The following MAGI1 variants were observed in gnomAD, a reference collection of about 807,000 sequenced individuals.
The protein encoded by MAGI1 is membrane associated guanylate kinase, WW and PDZ domain containing 1.
Under a neutral mutation model 139.9 loss-of-function variants are expected in MAGI1, and 58 were observed. That is an observed-to-expected ratio of 0.41 (90% CI 0.34 to 0.52). The LOEUF is 0.52. Ranked by LOEUF, MAGI1 falls within the 20% of genes least tolerant of loss-of-function variation. The pLI, the probability that MAGI1 is intolerant of heterozygous loss-of-function variation, is 0.12. For synonymous variants in MAGI1, 812 were observed against 737.9 expected (o/e 1.10, Z -1.63); for missense variants, 1,874 against 1,901.6 (o/e 0.99, Z 0.27).
At chr3:65,993,196 C>T (rs906125415) in intron 1 of MAGI1, among the ~76,000 whole-genome samples, 1 of 152,182 alleles carries the variant, frequency 6.6e-6, no homozygotes, top group African/African-American at 2.4e-5. Flanking sequence ...AGAGCCATCA[C>T]AGCAGGCCAC....
At chr3:65,480,590 T>C (rs1294819584) in intron 3 of MAGI1, among the ~76,000 whole-genome samples, 7 of 148,598 alleles carry the variant, frequency 4.7e-5, no homozygotes, top group Non-Finnish European at 9.0e-5. Flanking sequence ...GGTTTCTTTT[T>C]TTTTTTTTTT....
At chr3:65,791,737 T>C in intron 1 of MAGI1, among the ~76,000 whole-genome samples, 1 of 152,214 alleles carries the variant, frequency 6.6e-6, no homozygotes, top group East Asian at 1.9e-4. Flanking sequence ...TGTGTGTGTG[T>C]GTTTTTCCAT....
intron 1 of MAGI1, among the ~76,000 whole-genome samples, chr3:65,970,861 T>C (rs2064984003): frequency 1.3e-5 from 2 of 152,162 alleles, no homozygotes; most frequent in Non-Finnish European, 2.9e-5. Context: ...TGCCACAGTG[T>C]GGCTAAGGAT....
chr3:65,767,789 C>A (rs967137040), intron 1 of MAGI1, among the ~76,000 whole-genome samples: 2 of 152,276 alleles, frequency 1.3e-5, no homozygotes, highest in South Asian at 4.1e-4. Flanking sequence ...CAGCCAAATC[C>A]TCAGGCAGTT....
intron 1 of MAGI1, among the ~76,000 whole-genome samples, chr3:65,826,762 C>A (rs1445480792): frequency 2.8e-5 from 4 of 144,584 alleles, no homozygotes; most frequent in Non-Finnish European, 5.9e-5. Flanking sequence ...CCTCCATAAA[C>A]CCTTTGTAGT....
intron 1 of MAGI1, among the ~76,000 whole-genome samples, chr3:65,686,542 T>G (rs1254410356): frequency 6.6e-6 from 1 of 152,132 alleles, no homozygotes; most frequent in Non-Finnish European, 1.5e-5. Flanking sequence ...ACTCCCGCCT[T>G]GGCCTCCCAA....
intron 1 of MAGI1, among the ~76,000 whole-genome samples, chr3:65,637,531 G>A (rs2084695838): frequency 6.8e-6 from 1 of 146,860 alleles, no homozygotes; most frequent in African/African-American, 2.6e-5. Flanking sequence ...TTCAGCCTAG[G>A]TGACATTGAG....
At chr3:65,792,957 G>C (rs923054194) in intron 1 of MAGI1, among the ~76,000 whole-genome samples, 1 of 152,094 alleles carries the variant, frequency 6.6e-6, no homozygotes, top group South Asian at 2.1e-4. Context: ...GTCTCTCTCA[G>C]GGAGTCTCAT....
At chr3:65,579,248 C>T (rs930980370) in intron 2 of MAGI1, among the ~76,000 whole-genome samples, 2 of 152,102 alleles carry the variant, frequency 1.3e-5, no homozygotes, top group Non-Finnish European at 2.9e-5. Context: ...ACTTGTCTTA[C>T]CCAGGTCATG....
chr3:65,510,403 T>A (rs562862088), intron 2 of MAGI1, among the ~76,000 whole-genome samples: 1 of 149,856 alleles, frequency 6.7e-6, no homozygotes, highest in Non-Finnish European at 1.5e-5. Context: ...TTGAAAACTT[T>A]GAAAAAAATT....
At chr3:65,690,046 C>T (rs1432511682) in intron 1 of MAGI1, among the ~76,000 whole-genome samples, 1 of 152,120 alleles carries the variant, frequency 6.6e-6, no homozygotes, top group Non-Finnish European at 1.5e-5. Context: ...GAGCTGCACA[C>T]AATCCAGCTC....
At chr3:65,949,864 C>T (rs1437438140) in intron 1 of MAGI1, among the ~76,000 whole-genome samples, 2 of 152,028 alleles carry the variant, frequency 1.3e-5, no homozygotes, top group African/African-American at 4.8e-5. Flanking sequence ...GCCTGCGCAA[C>T]ATGGCGAAAC....
rs375911789 is a variant in MAGI1, at chr3:65,548,991, A to G, written c.431-55360T>C. On this transcript the variant is annotated intron_variant, in intron 2 of 22. Transcript: ENST00000402939. ...CTGGAGCCAAAGTAAACTGTACTTC[A>G]AGGGACCCTGGCCCTAGGCGGAACG... is the stretch of plus-strand genomic sequence containing the variant. Among the ~76,000 whole-genome samples, 61 of 152,280 alleles carry G rather than the reference A, an allele frequency of 4.0e-4. 2 individuals carry two copies. The East Asian group carries it at 4.7e-3, about 12-fold the overall frequency.
At chr3:65,372,801 T>C (rs923540546) in intron 18 of MAGI1, among the ~76,000 whole-genome samples, 4 of 152,228 alleles carry the variant, frequency 2.6e-5, no homozygotes, top group Non-Finnish European at 4.4e-5. Flanking sequence ...TCTTTAAATC[T>C]CATGCACCAA....
intron 2 of MAGI1, among the ~76,000 whole-genome samples, chr3:65,544,326 T>A (rs1443485664): frequency 6.6e-6 from 1 of 152,180 alleles, no homozygotes; most frequent in Admixed American, 6.5e-5. Flanking sequence ...GTAGTTGTGC[T>A]AGTCAACGTA....
At chr3:65,532,392 C>T (rs1487419743) in intron 2 of MAGI1, among the ~76,000 whole-genome samples, 1 of 152,188 alleles carries the variant, frequency 6.6e-6, no homozygotes, top group Non-Finnish European at 1.5e-5. Flanking sequence ...TTCATTCTCC[C>T]GTGCTTTCGA....
At chr3:65,481,381 G>A (rs763570261) in intron 3 of MAGI1, among the ~76,000 whole-genome samples, 4 of 152,102 alleles carry the variant, frequency 2.6e-5, no homozygotes, top group Non-Finnish European at 4.4e-5. Flanking sequence ...AAGTAACTAG[G>A]CCAAACTGTT....
chr3:65,385,394 C>T (rs1262870215), intron 14 of MAGI1, among the ~76,000 whole-genome samples: 2 of 152,066 alleles, frequency 1.3e-5, no homozygotes, highest in African/African-American at 4.8e-5. Flanking sequence ...AGGAGATTTT[C>T]AAATGCTATA....
intron 12 of MAGI1, among the ~76,000 whole-genome samples, chr3:65,402,742 G>A (rs573500589): frequency 2.6e-4 from 40 of 152,298 alleles, no homozygotes; most frequent in Non-Finnish European, 4.6e-4. Context: ...TGAGTAAGGA[G>A]GAAGCAGCCC....
Sources: allele counts gnomAD v4.1 joint callset (sites outside exome capture counted in the v4.1 genomes callset), GRCh38; gene constraint gnomAD v4.1.1; transcripts MANE v1.5; gene names NCBI Gene and HGNC (gene_info 2026-07-23, HGNC 2026-07-21).